ST6GALNAC4: variants seen among roughly 807,000 people sequenced by gnomAD.
The protein encoded by ST6GALNAC4 is alpha-N-acetyl-neuraminyl-2,3-beta-galactosyl-1,3-N-acetyl-galactosaminide alpha-2,6-sialyltransferase.
A neutral mutation model predicts 30.4 loss-of-function variants in ST6GALNAC4; 24 were observed. The observed-to-expected ratio is 0.79, with a 90% confidence interval of 0.57 to 1.11. ST6GALNAC4 has a LOEUF of 1.11. Among genes scored for constraint, ST6GALNAC4 ranks in the 50% most tolerant of loss-of-function variants. ST6GALNAC4 has a pLI of 0.00. For missense variants in ST6GALNAC4, 365 were observed against 430.1 expected, an observed-to-expected ratio of 0.85 and a Z score of 1.34; for synonymous variants, 156 against 179.7, an observed-to-expected ratio of 0.87 and a Z score of 1.05.
At chr9:127,913,970 G>A (rs1267744689) in intron 3 of ST6GALNAC4, among the ~76,000 whole-genome samples, 1 of 152,190 alleles carries the variant, frequency 6.6e-6, no homozygotes, top group African/African-American at 2.4e-5. Context: ...AAGAACCGGT[G>A]GCGGGAGGCT....
rs768299702 is a variant in ST6GALNAC4 at position 127,912,467 on chromosome 9, G to A, written c.412C>T (p.His138Tyr). Residue 138 changes from histidine (H) to tyrosine (Y), a missense_variant, in exon 4 of 6, where the codon CAC becomes TAC. By Grantham distance (83) the His-to-Tyr change is moderately conservative. Transcript: ENST00000335791. ...SVPLLLRNYS[H>Y]YFQKARDTLY... ...GTGTCTCGGGCCTTCTGGAAGTAGT[G>A]TGAATAGTTGCGCAGCAGCAGCGGC... 7 of 1,613,898 alleles carry A rather than the reference G, an allele frequency of 4.3e-6. No homozygotes were observed. The East Asian group carries it at 1.3e-4, about 31-fold the overall frequency.
Position 127,916,425 on chromosome 9 carries a change from C to G in ST6GALNAC4, c.-6G>C. 1 of 1,614,166 alleles carries G rather than the reference C, an allele frequency of 6.2e-7. No individual in the cohort carries two copies. Among genetic ancestry groups the G allele is most frequent in the Non-Finnish European group, 8.5e-7 (1 of 1,180,026 alleles). ...CCACTTACCGGAGCCTTCATGCTGT[C>G]GCTGTCCCTCAGTAGTCTAGGGGCT... is the stretch of plus-strand genomic sequence containing the variant. On this transcript the variant is annotated 5_prime_UTR_variant, in exon 2 of 6. Coordinates refer to ENST00000335791, the MANE Select transcript of ST6GALNAC4 (RefSeq NM_175039.4).
rs1831088134 is a variant in ST6GALNAC4 at position 127,912,257 on chromosome 9, C to T, written c.611+11G>A. ...GCCAGAGAGACCCCAGCAGGCAGGC[C>T]CCAGGCTCACCGGTTCTTGCCCGTC... On this transcript the variant is annotated intron_variant, in intron 4 of 5. Transcript: ENST00000335791. 6.3e-7 allele frequency: 1 copy of T among 1,599,600 alleles called. No individual in the cohort carries two copies. The highest frequency in any genetic ancestry group is 1.1e-5 in the South Asian group (1 of 89,448).
chr9:127,916,406 A>T lies in ST6GALNAC4; in HGVS notation c.12+2T>A. ...CTGGAAGTCCTCCTTCTTCCCACTTACCGGAGCCTTCATGCTGTCGCTGTC... is the reference window on the plus strand; with the variant it reads ...CTGGAAGTCCTCCTTCTTCCCACTTTCCGGAGCCTTCATGCTGTCGCTGTC... On this transcript the variant is annotated splice_donor_variant, in intron 2 of 5. Transcript: ENST00000335791. LOFTEE classifies it high-confidence loss of function. The T allele has an allele frequency of 6.2e-7, 1 of 1,613,914 alleles. No homozygotes were observed. The highest frequency in any genetic ancestry group is 8.5e-7 in the Non-Finnish European group (1 of 1,179,988).
chr9:127,914,854 G>A lies in ST6GALNAC4; in HGVS notation c.13-13C>T. 6.8e-7 allele frequency: 1 copy of A among 1,465,550 alleles called. No homozygotes were observed. The highest frequency in any genetic ancestry group is 9.1e-7 in the Non-Finnish European group (1 of 1,101,936). 90.8% of individuals were successfully genotyped at this position (1,465,550 alleles called of 1,614,324 possible). On this transcript the variant is annotated splice_polypyrimidine_tract_variant and intron_variant, in intron 2 of 5. Transcript: ENST00000335791. ...GCACGAGCCGACCCTGAGGGAGACA[G>A]TGGCCATGGGGGGGTGTATGTGGGG...
chr9:127,909,940 G>T lies in ST6GALNAC4; in HGVS notation c.719+11C>A, dbSNP rs577285116. ...CCCGCGTCCCCGCGTGCCCGGCCTG[G>T]CCGGTCTGACCTGCAGTAGCTGTCG... is the stretch of plus-strand genomic sequence containing the variant. On this transcript the variant is annotated intron_variant, in intron 5 of 5. Transcript: ENST00000335791. The T allele has an allele frequency of 9.5e-5, 153 of 1,612,698 alleles. No individual in the cohort carries two copies. Among genetic ancestry groups the T allele is most frequent in the Non-Finnish European group, 1.2e-4 (145 of 1,179,424 alleles).
intron 5 of ST6GALNAC4, among the ~76,000 whole-genome samples, chr9:127,909,354 A>G (rs1336825840): frequency 2.0e-5 from 3 of 150,944 alleles, no homozygotes; most frequent in African/African-American, 4.9e-5. Flanking sequence ...GCGCCACTGC[A>G]CTCCAGCCTG....
At chr9:127,913,450 T>C (rs1184058146) in intron 3 of ST6GALNAC4, among the ~76,000 whole-genome samples, 2 of 152,008 alleles carry the variant, frequency 1.3e-5, no homozygotes. Context: ...CTGGGCGTGG[T>C]AGCACACGCC....
At position 127,914,794 on chromosome 9, in the gene ST6GALNAC4, G is replaced by C. The variant is rs73669495; in HGVS notation, c.60C>G (p.Val20=). The C allele has an allele frequency of 7.5e-4, 1,191 of 1,589,756 alleles. 7 individuals carry two copies. The African/African-American group carries it at 0.014, about 19-fold the overall frequency. The change falls in exon 3 of 6, where the codon GTC becomes GTG. Residue 20 remains valine (V), a synonymous_variant. Transcript: ENST00000335791. ...CGGCCCAGCAGCACAGGAGGATGTA[G>C]ACGGCAGAGAAGACCACGGAGCACA... ...IILCSVVFSA[V]YILLCCWAGL...
chr9:127,914,733 G>A lies in ST6GALNAC4; in HGVS notation c.121C>T (p.His41Tyr), dbSNP rs866865804. 2 of 1,610,746 alleles carry A rather than the reference G, an allele frequency of 1.2e-6. No individual in the cohort carries two copies. Among genetic ancestry groups the A allele is most frequent in the Non-Finnish European group, 1.7e-6 (2 of 1,178,430 alleles). ...PLCLATCLDH[H>Y]FPTGSRPTVP... ...GTGGGCCTGGAGCCTGTGGGGAAGT[G>A]GTGGTCCAGGCAGGTGGCCAGGCAG... The change falls in exon 3 of 6, where the codon CAC (histidine) becomes TAC (tyrosine). Residue 41 changes from histidine (H) to tyrosine (Y), a missense_variant. Coordinates refer to ENST00000335791, the MANE Select transcript of ST6GALNAC4 (RefSeq NM_175039.4).
At chr9:127,915,923 C>T (rs866502432) in intron 2 of ST6GALNAC4, 1 of 163,736 alleles carries the variant, frequency 6.1e-6, no homozygotes, top group African/African-American at 2.4e-5. Flanking sequence ...CATTTTCTGC[C>T]CGCAAGCTAC....
In ST6GALNAC4 at chr9:127,908,065, G is replaced by A. The variant is rs563254433; in HGVS notation, c.*327C>T. On this transcript the variant is annotated 3_prime_UTR_variant, in exon 6 of 6. Transcript: ENST00000335791. ...GGAGGGAGGACCAGGACTGGCACAA[G>A]GTCATGATGCTGGTGAGTTGGGGGC... 4.3e-4 allele frequency: 74 copies of A among 171,054 alleles called. No homozygotes were observed. The Middle Eastern group carries it at 7.1e-3, about 16-fold the overall frequency. 10.6% of individuals were successfully genotyped at this position (171,054 alleles called of 1,614,324 possible). A position where few individuals can be genotyped will look rare whatever the true frequency, so the allele number is the denominator to read the frequency against.
intron 5 of ST6GALNAC4, among the ~76,000 whole-genome samples, chr9:127,909,713 C>A (rs1023745625): frequency 8.7e-5 from 13 of 149,746 alleles, no homozygotes; most frequent in Admixed American, 1.3e-4. Context: ...TGCGGGGTGG[C>A]ATGACTGGCC....
In ST6GALNAC4 at chr9:127,912,254, G is replaced by C; in HGVS notation, c.611+14C>G. 1 of 1,596,072 alleles carries C rather than the reference G, an allele frequency of 6.3e-7. No individual in the cohort carries two copies. The highest frequency in any genetic ancestry group is 1.1e-5 in the South Asian group (1 of 89,088). The stretch of plus-strand genomic sequence containing the variant: ...GCTGCCAGAGAGACCCCAGCAGGCA[G>C]GCCCCAGGCTCACCGGTTCTTGCCC... On this transcript the variant is annotated intron_variant, in intron 4 of 5. Coordinates refer to ENST00000335791, the MANE Select transcript of ST6GALNAC4 (RefSeq NM_175039.4).
intron 2 of ST6GALNAC4, 72 bp downstream of exon 2, chr9:127,916,336 G>A (rs1831193921): frequency 6.2e-7 from 1 of 1,603,326 alleles, no homozygotes; most frequent in Non-Finnish European, 8.5e-7. Context: ...GTCCTGGGGT[G>A]GAGAGGCTGC....
intron 4 of ST6GALNAC4, among the ~76,000 whole-genome samples, chr9:127,911,891 G>A (rs1690912587): frequency 1.3e-5 from 2 of 151,830 alleles, no homozygotes; most frequent in Admixed American, 1.3e-4. Context: ...CCAAAATGCT[G>A]GGATTACAGG....
chr9:127,910,597 G>GC, intron 4 of ST6GALNAC4: 1 of 990,578 alleles, frequency 1.0e-6, no homozygotes, highest in Non-Finnish European at 1.2e-6. Flanking sequence ...CTGCCCGCAT[G>GC]CCCCCATGCC....
intron 5 of ST6GALNAC4, among the ~76,000 whole-genome samples, chr9:127,909,560 T>TATAC (rs67119462): frequency 6.7e-6 from 1 of 150,290 alleles, no homozygotes; most frequent in African/African-American, 2.4e-5. Context: ...GATATATATA[T>TATAC]ATATATATAT....
rs895508497 is a variant in ST6GALNAC4 at position 127,916,466 on chromosome 9, G to C, written c.-47C>G. The C allele has an allele frequency of 1.2e-6, 2 of 1,613,664 alleles. No individual in the cohort carries two copies. The highest frequency in any genetic ancestry group is 1.7e-6 in the Non-Finnish European group (2 of 1,179,692). ...TCTAGGGGCTGCTGTCTCCAGGGCTGGGGCTGGGAAGGGGTGGGAGCCGGG... is the reference window on the plus strand; with the variant it reads ...TCTAGGGGCTGCTGTCTCCAGGGCTCGGGCTGGGAAGGGGTGGGAGCCGGG... On this transcript the variant is annotated 5_prime_UTR_variant, in exon 2 of 6. Transcript: ENST00000335791.
Sources: allele counts gnomAD v4.1 joint callset (sites outside exome capture counted in the v4.1 genomes callset), GRCh38; gene constraint gnomAD v4.1.1; transcripts MANE v1.5; gene names NCBI Gene and HGNC (gene_info 2026-07-23, HGNC 2026-07-21).